RORB: variants seen among roughly 807,000 people sequenced by gnomAD.
RORB encodes nuclear receptor ROR-beta.
A neutral mutation model predicts 59.1 loss-of-function variants in RORB; 6 were observed. That is an observed-to-expected ratio of 0.10 (90% CI 0.06 to 0.20). RORB has a LOEUF of 0.20. Among genes scored for constraint, RORB ranks in the 10% least tolerant of loss-of-function variants. The pLI, the probability that RORB is intolerant of heterozygous loss-of-function variation, is 1.00. For missense variants in RORB, 320 were observed against 560.5 expected (o/e 0.57, Z 4.33); for synonymous variants, 215 against 204.5 (o/e 1.05, Z -0.44).
intron 1 of RORB, among the ~76,000 whole-genome samples, chr9:74,612,082 C>A (rs1823239234): frequency 6.6e-6 from 1 of 152,068 alleles, no homozygotes; most frequent in African/African-American, 2.4e-5. Context: ...GTACCAGGAC[C>A]AAATGAGTGG....
intron 1 of RORB, among the ~76,000 whole-genome samples, chr9:74,609,745 C>G (rs1272183697): frequency 6.6e-6 from 1 of 152,158 alleles, no homozygotes; most frequent in African/African-American, 2.4e-5. Flanking sequence ...TTGCACTAAT[C>G]ATACTGTTAC....
At chr9:74,602,326 C>A (rs1823078797) in intron 1 of RORB, among the ~76,000 whole-genome samples, 1 of 152,084 alleles carries the variant, frequency 6.6e-6, no homozygotes, top group South Asian at 2.1e-4. Context: ...ATTTTCCAAG[C>A]AATGACTAAA....
At chr9:74,614,319 T>A (rs1231521766) in intron 1 of RORB, among the ~76,000 whole-genome samples, 1 of 152,182 alleles carries the variant, frequency 6.6e-6, no homozygotes, top group Non-Finnish European at 1.5e-5. Context: ...CCTTTATACC[T>A]TTGTGTATGT....
chr9:74,574,243 T>TA (rs1471445738), intron 1 of RORB, among the ~76,000 whole-genome samples: 1 of 152,120 alleles, frequency 6.6e-6, no homozygotes. Flanking sequence ...GATCCAGCCC[T>TA]GAGTCAGTTT....
intron 1 of RORB, among the ~76,000 whole-genome samples, chr9:74,570,601 T>C (rs12004783): frequency 0.015 from 2,264 of 152,282 alleles, 65 homozygotes; most frequent in African/African-American, 0.052. Context: ...ATATTAAGCA[T>C]GGCTGGTACA....
intron 1 of RORB, among the ~76,000 whole-genome samples, chr9:74,532,024 A>T (rs2118099742): frequency 6.6e-6 from 1 of 152,104 alleles, no homozygotes; most frequent in South Asian, 2.1e-4. Context: ...AAGCTGACAC[A>T]CTGTCACTGT....
At chr9:74,570,749 G>A (rs960727428) in intron 1 of RORB, among the ~76,000 whole-genome samples, 7 of 151,994 alleles carry the variant, frequency 4.6e-5, no homozygotes, top group African/African-American at 1.7e-4. Flanking sequence ...GTATGAATGT[G>A]TCTCACCACA....
intron 1 of RORB, among the ~76,000 whole-genome samples, chr9:74,501,887 C>T (rs189009660): frequency 3.4e-4 from 51 of 152,192 alleles, no homozygotes; most frequent in Admixed American, 1.6e-3. Flanking sequence ...ACTTTATAAA[C>T]CTGAGGGACA....
At chr9:74,638,493 G>T (rs569846520) in intron 3 of RORB, among the ~76,000 whole-genome samples, 1 of 152,150 alleles carries the variant, frequency 6.6e-6, no homozygotes, top group African/African-American at 2.4e-5. Flanking sequence ...TTAAGAGGTA[G>T]CAGTTTAACA....
chr9:74,645,559 A>G (rs1823881859), intron 4 of RORB, among the ~76,000 whole-genome samples: 1 of 152,202 alleles, frequency 6.6e-6, no homozygotes, highest in African/African-American at 2.4e-5. Flanking sequence ...AGTTCTTAGT[A>G]CAGTACCTAT....
rs896237148 is a variant in RORB, at chr9:74,531,322, T to C, written c.7+33339T>C. ...TTAACCCAAAGCTGCCTACCAACAA[T>C]GGGTGCAAGATGCCACCTTCAGACT... On this transcript the variant is annotated intron_variant, in intron 1 of 9. Transcript: ENST00000376896. 3.3e-5 allele frequency among the ~76,000 whole-genome samples: 5 copies of C among 152,074 alleles called. No individual in the cohort carries two copies. The Middle Eastern group carries it at 0.01, about 310-fold the overall frequency.
chr9:74,535,768 A>T (rs1296733765), intron 1 of RORB, among the ~76,000 whole-genome samples: 1 of 152,082 alleles, frequency 6.6e-6, no homozygotes, highest in Non-Finnish European at 1.5e-5. Context: ...TTGCTAAAAA[A>T]AATCTAGTAA....
rs1223191196 is a variant in RORB, at chr9:74,551,587, C to T, written c.7+53604C>T. On this transcript the variant is annotated intron_variant, in intron 1 of 9. Coordinates refer to ENST00000376896, the MANE Select transcript of RORB (RefSeq NM_006914.4). Reference sequence around the variant, plus strand: ...TTTAATGTTTTTGGACCAAGGTTGACGACTGGTAACTGAAACCACAGAAGG... The same window carrying T: ...TTTAATGTTTTTGGACCAAGGTTGATGACTGGTAACTGAAACCACAGAAGG... Among the ~76,000 whole-genome samples, 9 of 152,100 alleles carry T rather than the reference C, an allele frequency of 5.9e-5. No individual in the cohort carries two copies. In the East Asian group the frequency reaches 7.7e-4, roughly 13 times the overall value.
At position 74,653,285 on chromosome 9, in the gene RORB, T is replaced by A. The variant is rs1054589204; in HGVS notation, c.638-7332T>A. The stretch of plus-strand genomic sequence containing the variant: ...TGCCTTGGGCAAGTCCATAGAGATA[T>A]CCTGCCACTAATTCACAGTGAATCT... On this transcript the variant is annotated intron_variant, in intron 4 of 9. Coordinates refer to ENST00000376896, the MANE Select transcript of RORB (RefSeq NM_006914.4). 3.3e-5 allele frequency among the ~76,000 whole-genome samples: 5 copies of A among 152,316 alleles called. No homozygotes were observed. In the East Asian group the frequency reaches 9.6e-4, roughly 29 times the overall value.
At chr9:74,618,741 GTGTGTGTGTGTATA>G (rs1456054014) in intron 1 of RORB, among the ~76,000 whole-genome samples, 2 of 151,962 alleles carry the variant, frequency 1.3e-5, no homozygotes, top group Non-Finnish European at 2.9e-5. Context: ...ACTTTTGCTC[GTGTGTGTGTGTATA>G]TGTGTGTGTG....
At chr9:74,667,736 C>T in intron 7 of RORB, 55 bp from the exon 8 acceptor site, 2 of 1,062,858 alleles carry the variant, frequency 1.9e-6, no homozygotes, top group Admixed American at 1.7e-5. Flanking sequence ...TTTTCTTACT[C>T]TTGCCCCATT....
At chr9:74,576,570 T>G (rs1651940351) in intron 1 of RORB, among the ~76,000 whole-genome samples, 1 of 152,110 alleles carries the variant, frequency 6.6e-6, no homozygotes, top group South Asian at 2.1e-4. Context: ...CAAACAATTT[T>G]TTTTAAGACT....
chr9:74,545,264 A>G (rs1826470839), intron 1 of RORB, among the ~76,000 whole-genome samples: 1 of 152,092 alleles, frequency 6.6e-6, no homozygotes, highest in Non-Finnish European at 1.5e-5. Flanking sequence ...CTTCTGGTAC[A>G]GTGTTTAACC....
chr9:74,502,392 A>T (rs1825814744), intron 1 of RORB, among the ~76,000 whole-genome samples: 1 of 152,120 alleles, frequency 6.6e-6, no homozygotes, highest in South Asian at 2.1e-4. Flanking sequence ...TCTACATAAA[A>T]AGATAAGTAA....
Sources: allele counts gnomAD v4.1 joint callset (sites outside exome capture counted in the v4.1 genomes callset), GRCh38; gene constraint gnomAD v4.1.1; transcripts MANE v1.5; gene names NCBI Gene and HGNC (gene_info 2026-07-23, HGNC 2026-07-21).